CPLANE1: variants seen among roughly 807,000 people sequenced by gnomAD.
The protein encoded by CPLANE1 is ciliogenesis and planar polarity effector complex subunit 1.
Under a neutral mutation model 362.5 loss-of-function variants are expected in CPLANE1, and 263 were observed. That is an observed-to-expected ratio of 0.73 (90% CI 0.66 to 0.80). The LOEUF (loss-of-function observed/expected upper bound fraction) is 0.80. Among genes scored for constraint, CPLANE1 ranks in the 30% least tolerant of loss-of-function variants. The pLI is 0.00. For missense variants in CPLANE1, 3,461 were observed against 3,793.4 expected (o/e 0.91, Z 2.30); for synonymous variants, 1,212 against 1,302.6 (o/e 0.93, Z 1.50).
At chr5:37,232,228 C>T (rs1797875425) in intron 8 of CPLANE1, among the ~76,000 whole-genome samples, 1 of 152,054 alleles carries the variant, frequency 6.6e-6, no homozygotes, top group South Asian at 2.1e-4. Context: ...GTTTAAAAAA[C>T]TAGGCTTGGC....
chr5:37,127,643 C>T (rs997986388), intron 46 of CPLANE1, among the ~76,000 whole-genome samples: 5 of 150,922 alleles, frequency 3.3e-5, no homozygotes, highest in Non-Finnish European at 7.4e-5. Context: ...CTCAGCCTCC[C>T]GAGTAGCTGA....
At chr5:37,162,269 G>T (rs1777034506) in intron 38 of CPLANE1, among the ~76,000 whole-genome samples, 196 bp downstream of exon 38, 1 of 152,176 alleles carries the variant, frequency 6.6e-6, no homozygotes, top group Non-Finnish European at 1.5e-5. Context: ...TTGAAGAAAA[G>T]TGTCTATTAT....
chr5:37,191,450 C>T (rs916349099), intron 21 of CPLANE1, among the ~76,000 whole-genome samples: 2 of 152,110 alleles, frequency 1.3e-5, no homozygotes, highest in Non-Finnish European at 2.9e-5. Context: ...GCAGGTGGAT[C>T]GCTTGAGCTC....
chr5:37,157,188 C>T, intron 41 of CPLANE1, 125 bp downstream of exon 41: 1 of 359,082 alleles, frequency 2.8e-6, no homozygotes, highest in Non-Finnish European at 5.4e-6. Flanking sequence ...ACCTACTTGC[C>T]CCCATGCTCC....
intron 18 of CPLANE1, among the ~76,000 whole-genome samples, chr5:37,202,736 C>T (rs1469932207): frequency 6.6e-6 from 1 of 152,018 alleles, no homozygotes; most frequent in Admixed American, 6.6e-5. Flanking sequence ...TATGTACTGA[C>T]TTCTCATCCT....
At chr5:37,189,902 G>C (rs1785020003) in intron 21 of CPLANE1, among the ~76,000 whole-genome samples, 1 of 152,044 alleles carries the variant, frequency 6.6e-6, no homozygotes, top group Admixed American at 6.6e-5. Flanking sequence ...GGGAGGCTGA[G>C]GCAGAAGAAT....
chr5:37,206,571 C>A, intron 16 of CPLANE1, 146 bp from the exon 17 acceptor site: 1 of 610,822 alleles, frequency 1.6e-6, no homozygotes, highest in East Asian at 2.7e-5. Context: ...TAATACTCAA[C>A]ATGCCCTAGA....
chr5:37,211,873 G>C (rs1268533050), intron 16 of CPLANE1: 1 of 789,052 alleles, frequency 1.3e-6, no homozygotes, highest in East Asian at 2.4e-5. Context: ...AATGTGCCAA[G>C]GCAGTTTGAA....
intron 16 of CPLANE1, chr5:37,211,094 C>A: frequency 2.1e-6 from 2 of 975,446 alleles, no homozygotes; most frequent in Non-Finnish European, 1.7e-6. Flanking sequence ...TAAATGGCAA[C>A]ATGGTGCTTC....
At chr5:37,160,122 T>C (rs972854478) in intron 38 of CPLANE1, among the ~76,000 whole-genome samples, 1 of 152,162 alleles carries the variant, frequency 6.6e-6, no homozygotes, top group Admixed American at 6.5e-5. Flanking sequence ...CAAATTTTAT[T>C]ATTATTTATA....
At chr5:37,170,663 C>CA (rs1177931578) in intron 32 of CPLANE1, among the ~76,000 whole-genome samples, 1 of 152,150 alleles carries the variant, frequency 6.6e-6, no homozygotes, top group East Asian at 1.9e-4. Flanking sequence ...ATAGGCCGGG[C>CA]ACAGTGGCTC....
Position 37,226,360 on chromosome 5 carries a change from G to A in CPLANE1, c.2235C>T (p.Asn745=). The change falls in exon 12 of 53, where the codon AAC becomes AAT. Residue 745 remains asparagine, a synonymous_variant. Coordinates refer to ENST00000651892, the MANE Select transcript of CPLANE1 (RefSeq NM_001384732.1). ...DSGFQKNWSW[N]SFFKIHPQVV... ...CTTGAGGATGAATCTTGAAAAATGA[G>A]TTCCAAGACCAGTTTTTCTGAAAAC... 1 of 1,548,124 alleles carries A rather than the reference G, an allele frequency of 6.5e-7. No individual in the cohort carries two copies. The highest frequency in any genetic ancestry group is 8.7e-7 in the Non-Finnish European group (1 of 1,145,936).
chr5:37,170,334 T>G lies in CPLANE1; in HGVS notation c.6172-3A>C, dbSNP rs780811930. On this transcript the variant is annotated splice_polypyrimidine_tract_variant and splice_region_variant and intron_variant, in intron 32 of 52. Transcript: ENST00000651892. ...CTCATGAAGTTGATCTGTTGCAGCT[T>G]GAATAAAACAAAAATTGAAGCGATA... 8.8e-6 allele frequency: 14 copies of G among 1,597,458 alleles called. No individual in the cohort carries two copies. The Admixed American group carries it at 1.8e-4, about 20-fold the overall frequency.
At chr5:37,081,664 G>C in the CPLANE1 span, among the ~76,000 whole-genome samples, 1 of 151,474 alleles carries the variant, frequency 6.6e-6, no homozygotes, top group Non-Finnish European at 1.5e-5. Flanking sequence ...CAATAGGGCA[G>C]AAAAAAAAGT....
chr5:37,212,675 T>C (rs1356762359), intron 16 of CPLANE1, among the ~76,000 whole-genome samples: 1 of 152,208 alleles, frequency 6.6e-6, no homozygotes, highest in Non-Finnish European at 1.5e-5. Flanking sequence ...GCAGGGCAGT[T>C]ATCTAGCACA....
chr5:37,200,916 C>T (rs566355719), intron 19 of CPLANE1, among the ~76,000 whole-genome samples: 5 of 152,242 alleles, frequency 3.3e-5, no homozygotes, highest in African/African-American at 1.2e-4. Context: ...CTCTACCTCC[C>T]GGGCTCAAGC....
chr5:37,108,229 C>A, intron 52 of CPLANE1, 64 bp downstream of exon 52: 5 of 1,464,538 alleles, frequency 3.4e-6, no homozygotes, highest in Non-Finnish European at 4.7e-6. Flanking sequence ...AACAAACAAA[C>A]AAACAAAAAA....
At chr5:37,160,957 C>A (rs1346378914) in intron 38 of CPLANE1, among the ~76,000 whole-genome samples, 1 of 152,126 alleles carries the variant, frequency 6.6e-6, no homozygotes, top group Non-Finnish European at 1.5e-5. Flanking sequence ...AGGCGTGAGC[C>A]ACCGCGCCCA....
intron 19 of CPLANE1, among the ~76,000 whole-genome samples, 172 bp downstream of exon 19, chr5:37,201,419 C>A (rs1400694008): frequency 6.6e-6 from 1 of 152,130 alleles, no homozygotes; most frequent in East Asian, 1.9e-4. Context: ...ACTTAAACAG[C>A]AGTTTAGTAC....
Sources: gnomAD v4.1 joint callset for allele counts (sites outside exome capture counted in the v4.1 genomes callset) on GRCh38, gnomAD v4.1.1 for gene constraint, MANE v1.5 for transcripts, NCBI Gene and HGNC (gene_info 2026-07-23, HGNC 2026-07-21) for gene names.